Variants in KLHL25 observed in about 807,000 individuals in gnomAD.
The protein encoded by KLHL25 is kelch-like protein 25.
Under a neutral mutation model 30.0 loss-of-function variants are expected in KLHL25, and 41 were observed. The observed-to-expected ratio is 1.37, with a 90% CI of 1.07 to 1.78. The LOEUF (loss-of-function observed/expected upper bound fraction) is 1.78, where lower values mean the gene tolerates loss of function less well. KLHL25 is among the 40% of genes most tolerant of loss of function. The pLI is 0.00. For missense variants in KLHL25, 971 were observed against 824.5 expected (o/e 1.18, Z -2.18); for synonymous variants, 399 against 355.3 (o/e 1.12, Z -1.38).
intron 1 of KLHL25, among the ~76,000 whole-genome samples, chr15:85,792,653 C>A (rs1387039551): frequency 4.6e-5 from 7 of 152,228 alleles, no homozygotes; most frequent in South Asian, 4.1e-4. Context: ...CCACCTCCCA[C>A]TTGCATTCTC....
rs1567244237 is a variant in KLHL25 at position 85,789,310 on chromosome 15, G to A, written c.-11+5456C>T. 1.3e-5 allele frequency among the ~76,000 whole-genome samples: 2 copies of A among 152,134 alleles called. No homozygotes were observed. The highest frequency in any genetic ancestry group is 6.5e-5 in the Admixed American group (1 of 15,270). On this transcript the variant is annotated intron_variant, in intron 1 of 2. Transcript: ENST00000337975. The surrounding 1 kb of genome is among the most constrained non-coding windows in gnomAD (Gnocchi z 4.1). ...GGCCTGCTCAGCCCTGCTTCCCCGT[G>A]GGAGGAGCCATCCAACTGGTCTTGC...
At chr15:85,774,471 C>G (rs916679997) in intron 1 of KLHL25, among the ~76,000 whole-genome samples, 4 of 152,192 alleles carry the variant, frequency 2.6e-5, no homozygotes, top group African/African-American at 9.7e-5. Context: ...AAGAAACAAA[C>G]TAGCCAAGGG....
chr15:85,777,689 T>C (rs997044315), intron 1 of KLHL25, among the ~76,000 whole-genome samples: 3 of 152,044 alleles, frequency 2.0e-5, no homozygotes, highest in Non-Finnish European at 4.4e-5. Context: ...TGATTACAAG[T>C]TGAGAGGGAC....
At chr15:85,791,566 G>A (rs576820901) in intron 1 of KLHL25, among the ~76,000 whole-genome samples, 1 of 152,276 alleles carries the variant, frequency 6.6e-6, no homozygotes, top group South Asian at 2.1e-4. Flanking sequence ...GACAGGGCTT[G>A]GAAGGAAAGC....
chr15:85,772,844 T>C (rs2542597), intron 1 of KLHL25, among the ~76,000 whole-genome samples: 124,744 of 152,290 alleles, frequency 0.82, 51,251 homozygotes, highest in South Asian at 0.87. Context: ...TGCCTGCTGA[T>C]GCAGATGCTG....
At chr15:85,779,468 T>C (rs1337014936) in intron 1 of KLHL25, among the ~76,000 whole-genome samples, 1 of 152,124 alleles carries the variant, frequency 6.6e-6, no homozygotes, top group Admixed American at 6.6e-5. Flanking sequence ...TAAAATGCAA[T>C]GAGGAGGGTG....
At position 85,769,485 on chromosome 15, in the gene KLHL25, C is replaced by G. The variant is rs762018870; in HGVS notation, c.326G>C (p.Arg109Pro). ...ELLLDFAYSS[R>P]IAINEENAES... ...AGCGTTCTCCTCGTTGATGGCGATG[C>G]GTGAGGAGTAGGCAAAGTCCAGCAG... Residue 109 changes from arginine (R) to proline (P), a missense_variant, in exon 2 of 3, where the codon CGC becomes CCC. By Grantham distance (103) the Arg-to-Pro change is moderately radical. Coordinates refer to ENST00000337975, the MANE Select transcript of KLHL25 (RefSeq NM_022480.4). The G allele has an allele frequency of 1.9e-6, 3 of 1,613,982 alleles. No individual in the cohort carries two copies. The South Asian group carries it at 3.3e-5, about 18-fold the overall frequency.
chr15:85,789,695 GCTGCCCAGCTCC>G lies in KLHL25; in HGVS notation c.-11+5059_-11+5070del, dbSNP rs2089803633. Among the ~76,000 whole-genome samples the G allele has an allele frequency of 6.6e-6, 1 of 152,096 alleles. No individual in the cohort carries two copies. Among genetic ancestry groups the G allele is most frequent in the East Asian group, 1.9e-4 (1 of 5,182 alleles). ...GGTCATCCTGGTGCTCCCACGAACT[GCTGCCCAGCTCC>G]CTGCCCACGACCAGTCAGAGCGATG... On this transcript the variant is annotated intron_variant, in intron 1 of 2. Transcript: ENST00000337975. This position sits in a 1 kb window ranked among gnomAD's most constrained non-coding sequence, Gnocchi z 4.1.
intron 1 of KLHL25, among the ~76,000 whole-genome samples, chr15:85,794,100 G>A (rs546814232): frequency 4.3e-4 from 66 of 152,348 alleles, no homozygotes; most frequent in Non-Finnish European, 8.1e-4. Flanking sequence ...CAGGGCAAGT[G>A]TGGTAATTAG....
At position 85,768,718 on chromosome 15, in the gene KLHL25, G is replaced by T. The variant is rs535914450; in HGVS notation, c.1093C>A (p.His365Asn). The T allele has an allele frequency of 6.2e-7, 1 of 1,613,468 alleles. No homozygotes were observed. The highest frequency in any genetic ancestry group is 1.1e-5 in the South Asian group (1 of 91,084). ...SKDVWVYDTV[H>N]EEWSKAAPML... ...GGCGCCGCCTTGGACCATTCCTCAT[G>T]TACGGTGTCGTACACCCAGACATCC... is the stretch of plus-strand genomic sequence containing the variant. Residue 365 changes from histidine (H) to asparagine (N), a missense_variant, in exon 2 of 3, where the codon CAT becomes AAT. Coordinates refer to ENST00000337975, the MANE Select transcript of KLHL25 (RefSeq NM_022480.4).
intron 1 of KLHL25, among the ~76,000 whole-genome samples, chr15:85,792,045 G>C (rs889193003): frequency 9.2e-5 from 14 of 152,220 alleles, no homozygotes; most frequent in Non-Finnish European, 2.1e-4. Context: ...GGCAGTATGG[G>C]ATGATTATGC....
intron 1 of KLHL25, among the ~76,000 whole-genome samples, chr15:85,785,087 C>CTTTTTTTTTTTTTTTT (rs754310721): frequency 2.2e-5 from 3 of 139,082 alleles, no homozygotes; most frequent in Non-Finnish European, 3.2e-5. Context: ...TGATGTATTT[C>CTTTTTTTTTTTTTTTT]TTTTTTCTTT....
At chr15:85,790,350 AG>A (rs1334430792) in intron 1 of KLHL25, among the ~76,000 whole-genome samples, 1 of 152,088 alleles carries the variant, frequency 6.6e-6, no homozygotes, top group African/African-American at 2.4e-5. Context: ...GGCCTCCCAA[AG>A]CACTGGGATT....
chr15:85,777,323 G>A (rs2089716290), intron 1 of KLHL25, among the ~76,000 whole-genome samples: 1 of 152,172 alleles, frequency 6.6e-6, no homozygotes, highest in African/African-American at 2.4e-5. Context: ...GAGACCACCT[G>A]GCTTCACCTG....
intron 1 of KLHL25, among the ~76,000 whole-genome samples, chr15:85,771,477 G>A (rs546844358): frequency 1.3e-4 from 20 of 152,312 alleles, no homozygotes; most frequent in South Asian, 4.1e-4. Flanking sequence ...ATGAGTGTCC[G>A]GCTACATGGC....
At chr15:85,781,034 T>TA (rs386383667) in intron 1 of KLHL25, among the ~76,000 whole-genome samples, 3 of 111,296 alleles carry the variant, frequency 2.7e-5, no homozygotes, top group Admixed American at 9.5e-5. Context: ...CACAGCTATC[T>TA]AAAAAAAACC....
At chr15:85,793,850 C>G (rs1197449909) in intron 1 of KLHL25, among the ~76,000 whole-genome samples, 1 of 152,168 alleles carries the variant, frequency 6.6e-6, no homozygotes, top group African/African-American at 2.4e-5. Context: ...CAAGAGCGTC[C>G]AGATTAAATC....
chr15:85,786,901 A>T (rs1486408221), intron 1 of KLHL25, among the ~76,000 whole-genome samples: 1 of 152,208 alleles, frequency 6.6e-6, no homozygotes, highest in South Asian at 2.1e-4. Flanking sequence ...TGCAAAAAAT[A>T]CAGCAGCCTA....
intron 1 of KLHL25, 106 bp from the exon 2 acceptor site, chr15:85,769,926 C>G (rs2089659927): frequency 1.1e-6 from 1 of 895,108 alleles, no homozygotes; most frequent in Admixed American, 2.6e-5. Context: ...CACCCACTCT[C>G]TGCTCACCTC....
Sources: gnomAD v4.1 joint callset for allele counts (sites outside exome capture counted in the v4.1 genomes callset) on GRCh38, gnomAD v4.1.1 for gene constraint, Gnocchi (gnomAD v3.1) non-coding constraint, MANE v1.5 for transcripts, NCBI Gene and HGNC (gene_info 2026-07-23, HGNC 2026-07-21) for gene names.